Variants in DPH6 observed in about 807,000 individuals in gnomAD.
The protein encoded by DPH6 is diphthine--ammonia ligase.
A neutral mutation model predicts 38.2 loss-of-function variants in DPH6; 33 were observed. The observed-to-expected ratio is 0.86, with a 90% CI of 0.65 to 1.15. The LOEUF is 1.15. Among genes scored for constraint, DPH6 ranks in the 50% most tolerant of loss-of-function variants. DPH6 has a pLI of 0.00. For missense variants in DPH6, 325 were observed against 320.0 expected, an observed-to-expected ratio of 1.02 and a Z score of -0.12; for synonymous variants, 108 against 103.0, an observed-to-expected ratio of 1.05 and a Z score of -0.30.
chr15:35,279,707 C>A lies in DPH6; in HGVS notation n.201-59125G>T, dbSNP rs1432184981. Among the ~76,000 whole-genome samples, 3 of 152,104 alleles carry A rather than the reference C, an allele frequency of 2.0e-5. No homozygotes were observed. In the South Asian group the frequency reaches 6.2e-4, roughly 31 times the overall value. ...ACCAGAAGCCAAGCAGATGCCAGCACCGTGCTTCCTGTGCAGCCTGCAGAA... is the reference window on the plus strand; with the variant it reads ...ACCAGAAGCCAAGCAGATGCCAGCAACGTGCTTCCTGTGCAGCCTGCAGAA... On this transcript the variant is annotated intron_variant and non_coding_transcript_variant, in intron 3 of 3. Coordinates refer to the DPH6 transcript ENST00000560386.
chr15:35,233,686 G>A (rs912426961), intron 3 of DPH6, among the ~76,000 whole-genome samples: 1 of 152,114 alleles, frequency 6.6e-6, no homozygotes, highest in African/African-American at 2.4e-5. Flanking sequence ...AAGCACAAAG[G>A]TCTTGGACAT....
At chr15:35,499,491 C>A (rs2054598560) in intron 3 of DPH6, among the ~76,000 whole-genome samples, 1 of 152,068 alleles carries the variant, frequency 6.6e-6, no homozygotes, top group South Asian at 2.1e-4. Flanking sequence ...ATTCCCTATC[C>A]CACTCCTATG....
intron 3 of DPH6, among the ~76,000 whole-genome samples, chr15:35,262,924 T>A (rs1387943163): frequency 6.6e-6 from 1 of 152,056 alleles, no homozygotes; most frequent in African/African-American, 2.4e-5. Flanking sequence ...CATGCAGAAT[T>A]TTGCCCTTAC....
intron 3 of DPH6, among the ~76,000 whole-genome samples, chr15:35,524,092 C>G (rs11853817): frequency 0.018 from 2,741 of 150,280 alleles, 86 homozygotes; most frequent in African/African-American, 0.062. Flanking sequence ...TTTTTTTTTA[C>G]ATTTCCAACC....
At chr15:35,356,890 A>C (rs974459733) in intron 3 of DPH6, among the ~76,000 whole-genome samples, 1 of 152,186 alleles carries the variant, frequency 6.6e-6, no homozygotes, top group East Asian at 1.9e-4. Context: ...GGTGGAGTCT[A>C]CAGAGCCAGG....
chr15:35,537,829 A>T (rs542295208), intron 3 of DPH6, among the ~76,000 whole-genome samples: 1 of 152,148 alleles, frequency 6.6e-6, no homozygotes, highest in Non-Finnish European at 1.5e-5. Context: ...CAAGCATGTT[A>T]TTTATTGTTT....
chr15:35,238,887 C>A (rs2051576784), intron 3 of DPH6, among the ~76,000 whole-genome samples: 1 of 150,132 alleles, frequency 6.7e-6, no homozygotes, highest in Admixed American at 6.7e-5. Context: ...CAGAGAACAA[C>A]CCTCTTTGAC....
chr15:35,433,314 C>T (rs981501390), intron 5 of DPH6, among the ~76,000 whole-genome samples: 3 of 152,110 alleles, frequency 2.0e-5, no homozygotes, highest in African/African-American at 7.2e-5. Flanking sequence ...TACAAACTTG[C>T]TTTCGTTTGT....
intron 3 of DPH6, among the ~76,000 whole-genome samples, chr15:35,242,270 C>T (rs1463542765): frequency 7.0e-6 from 1 of 143,084 alleles, no homozygotes; most frequent in Non-Finnish European, 1.5e-5. Flanking sequence ...TCTCCCAAAC[C>T]TCAATCCCTT....
At chr15:35,457,048 G>C (rs139162031) in intron 3 of DPH6, among the ~76,000 whole-genome samples, 2 of 151,996 alleles carry the variant, frequency 1.3e-5, no homozygotes, top group East Asian at 3.9e-4. Context: ...TCAGCTCCAG[G>C]GTTCAAGCGA....
the DPH6 span, among the ~76,000 whole-genome samples, chr15:35,180,844 T>A: frequency 1.3e-5 from 2 of 152,350 alleles, no homozygotes; most frequent in East Asian, 3.9e-4. Context: ...AATACTTTAG[T>A]AAACAATTTT....
intron 3 of DPH6, among the ~76,000 whole-genome samples, chr15:35,352,254 A>G (rs2052519350): frequency 6.6e-6 from 1 of 152,058 alleles, no homozygotes; most frequent in Non-Finnish European, 1.5e-5. Context: ...AACTCTTGTA[A>G]AGCAGTCCTA....
At chr15:35,248,762 A>G (rs529958490) in intron 3 of DPH6, among the ~76,000 whole-genome samples, 1 of 152,320 alleles carries the variant, frequency 6.6e-6, no homozygotes, top group East Asian at 1.9e-4. Context: ...CTGTCCCCAC[A>G]CTATAACAAA....
intron 3 of DPH6, among the ~76,000 whole-genome samples, chr15:35,312,081 A>C (rs901163026): frequency 6.6e-6 from 1 of 151,742 alleles, no homozygotes; most frequent in Non-Finnish European, 1.5e-5. Flanking sequence ...GGGAAAACAG[A>C]CTATATGAAG....
chr15:35,267,896 C>G (rs927737586), intron 3 of DPH6, among the ~76,000 whole-genome samples: 3 of 152,076 alleles, frequency 2.0e-5, no homozygotes, highest in African/African-American at 4.8e-5. Flanking sequence ...CTAGGCCAGG[C>G]GCGGTGGCTC....
Position 35,243,330 on chromosome 15 carries a change from C to T in DPH6, n.201-22748G>A, listed in dbSNP as rs1351302758. On this transcript the variant is annotated intron_variant and non_coding_transcript_variant, in intron 3 of 3. Transcript: ENST00000560386. ...GCCCATTCTCTCTCCATACCACCCC[C>T]CAAAAATTTTCGCCGCCCCAACACT... Among the ~76,000 whole-genome samples the T allele has an allele frequency of 1.4e-5, 2 of 141,872 alleles. 1 individual carries two copies. Among genetic ancestry groups the T allele is most frequent in the African/African-American group, 5.1e-5 (2 of 39,120 alleles). 93.1% of individuals were successfully genotyped at this position (141,872 alleles called of 152,430 possible).
intron 3 of DPH6, among the ~76,000 whole-genome samples, chr15:35,472,159 A>G (rs935226054): frequency 5.9e-5 from 9 of 152,202 alleles, no homozygotes; most frequent in African/African-American, 2.2e-4. Context: ...GACTATATCA[A>G]TCAGGGTCCA....
intron 3 of DPH6, among the ~76,000 whole-genome samples, chr15:35,496,485 G>A (rs2054550676): frequency 6.8e-6 from 1 of 146,482 alleles, no homozygotes; most frequent in Non-Finnish European, 1.5e-5. Context: ...AACCCGGGAG[G>A]CGGAGGTTGC....
intron 6 of DPH6, among the ~76,000 whole-genome samples, chr15:35,405,536 TTTTG>T (rs947299049): frequency 6.6e-6 from 1 of 152,250 alleles, no homozygotes; most frequent in East Asian, 1.9e-4. Context: ...TGCTATTGAT[TTTTG>T]TTTGTTGATT....
Sources: allele counts gnomAD v4.1 joint callset (sites outside exome capture counted in the v4.1 genomes callset), GRCh38; gene constraint gnomAD v4.1.1; transcripts MANE v1.5; gene names NCBI Gene and HGNC (gene_info 2026-07-23, HGNC 2026-07-21).